The following SPOCK1 variants were observed in gnomAD, a reference collection of about 807,000 sequenced individuals.
The protein encoded by SPOCK1 is SPARC (osteonectin), cwcv and kazal like domains proteoglycan 1.
SPOCK1 carries 23 observed loss-of-function variants against 55.3 expected under a neutral mutation model. That is an observed-to-expected ratio of 0.42 (90% CI 0.30 to 0.59). The LOEUF is 0.59. SPOCK1 is among the 20% of genes least tolerant of loss of function. SPOCK1 has a pLI of 0.22. For missense variants in SPOCK1, 499 were observed against 552.5 expected, an observed-to-expected ratio of 0.90 and a Z score of 0.97; for synonymous variants, 226 against 221.0, an observed-to-expected ratio of 1.02 and a Z score of -0.20.
At chr5:137,104,593 C>A (rs1199921393) in intron 5 of SPOCK1, among the ~76,000 whole-genome samples, 1 of 152,162 alleles carries the variant, frequency 6.6e-6, no homozygotes, top group Non-Finnish European at 1.5e-5. Flanking sequence ...GGCAAGCGAG[C>A]ATTACTGCCT....
intron 5 of SPOCK1, among the ~76,000 whole-genome samples, chr5:137,074,276 TG>T (rs1480953885): frequency 1.3e-5 from 2 of 152,198 alleles, no homozygotes; most frequent in Non-Finnish European, 2.9e-5. Context: ...TACAAACATT[TG>T]GGGAAGAATT....
intron 2 of SPOCK1, among the ~76,000 whole-genome samples, chr5:137,478,816 A>C (rs1561546356): frequency 6.6e-6 from 1 of 152,006 alleles, no homozygotes; most frequent in African/African-American, 2.4e-5. Context: ...TCAACACCAA[A>C]TTCCTGACTA....
intron 6 of SPOCK1, among the ~76,000 whole-genome samples, chr5:137,060,615 G>A (rs922804398): frequency 2.8e-5 from 4 of 144,010 alleles, no homozygotes; most frequent in Non-Finnish European, 4.7e-5. Context: ...TAAAAAGAAT[G>A]TATGTTAATT....
chr5:137,417,760 G>A (rs895876024), intron 2 of SPOCK1, among the ~76,000 whole-genome samples: 7 of 151,828 alleles, frequency 4.6e-5, no homozygotes, highest in African/African-American at 1.5e-4. Flanking sequence ...AGTTTTTTTG[G>A]AAAGTTTTTC....
intron 6 of SPOCK1, among the ~76,000 whole-genome samples, chr5:137,031,897 A>G (rs1253084907): frequency 6.6e-6 from 1 of 151,774 alleles, no homozygotes; most frequent in East Asian, 1.9e-4. Flanking sequence ...ACTATCAAAG[A>G]GGAGTTTACA....
intron 4 of SPOCK1, among the ~76,000 whole-genome samples, chr5:137,138,547 C>A (rs1191472758): frequency 1.3e-5 from 2 of 149,318 alleles, no homozygotes; most frequent in Non-Finnish European, 3.0e-5. Context: ...CATGGCTAAA[C>A]AACCTAGAGC....
At chr5:137,335,923 CT>C (rs945269464) in intron 2 of SPOCK1, among the ~76,000 whole-genome samples, 4 of 152,192 alleles carry the variant, frequency 2.6e-5, no homozygotes, top group East Asian at 1.9e-4. Flanking sequence ...ACAAATGCTT[CT>C]TTTTTTCCCC....
rs563171615 is a variant in SPOCK1, at chr5:137,073,387, C to T, written c.475-5558G>A. ...ACAGAATAAAGTGAGTCATGCAGCT[C>T]TCTGGGGAAGGAGGGTCAAGGAAAA... is the stretch of plus-strand genomic sequence containing the variant. On this transcript the variant is annotated intron_variant, in intron 5 of 10. Transcript: ENST00000394945. 8.2e-5 allele frequency among the ~76,000 whole-genome samples: 12 copies of T among 146,016 alleles called. No individual in the cohort carries two copies. The East Asian group carries it at 1.0e-3, about 12-fold the overall frequency.
At position 137,131,829 on chromosome 5, in the gene SPOCK1, G is replaced by A. The variant is rs919059324; in HGVS notation, c.347+8751C>T. ...CTACTAAAAATACAAAAAATTAGCC[G>A]GGTGTAGGGGCGGGCGCCTGTAGTC... On this transcript the variant is annotated intron_variant, in intron 4 of 10. Coordinates refer to ENST00000394945, the MANE Select transcript of SPOCK1 (RefSeq NM_004598.4). 5.4e-5 allele frequency among the ~76,000 whole-genome samples: 8 copies of A among 148,014 alleles called. No individual in the cohort carries two copies. The East Asian group carries it at 8.0e-4, about 15-fold the overall frequency.
At position 137,284,539 on chromosome 5, in the gene SPOCK1, G is replaced by A. The variant is rs138591874; in HGVS notation, c.187-17484C>T. The stretch of plus-strand genomic sequence containing the variant: ...AAGAGACATCTGGAAGGAAGCGGAC[G>A]GAAGGACGAGGAAGGTGCTGGGCCT... On this transcript the variant is annotated intron_variant, in intron 2 of 10. Coordinates refer to ENST00000394945, the MANE Select transcript of SPOCK1 (RefSeq NM_004598.4). 1.2e-3 allele frequency among the ~76,000 whole-genome samples: 186 copies of A among 152,326 alleles called. 3 individuals are homozygous for A. The highest frequency in any genetic ancestry group is 4.0e-3 in the African/African-American group (167 of 41,564).
chr5:137,146,827 A>G (rs1341256001), intron 3 of SPOCK1, among the ~76,000 whole-genome samples: 1 of 152,216 alleles, frequency 6.6e-6, no homozygotes, highest in African/African-American at 2.4e-5. Flanking sequence ...CCGAGGCCAA[A>G]CAAAGGGCCT....
intron 3 of SPOCK1, among the ~76,000 whole-genome samples, chr5:137,233,698 G>A (rs77455953): frequency 0.12 from 15,026 of 126,656 alleles, 1,064 homozygotes; most frequent in East Asian, 0.24. Flanking sequence ...TTCATTGTTA[G>A]TATGAGGATA....
chr5:137,288,222 T>A (rs1757302314), intron 2 of SPOCK1, among the ~76,000 whole-genome samples: 1 of 152,202 alleles, frequency 6.6e-6, no homozygotes, highest in Non-Finnish European at 1.5e-5. Context: ...TCAATTTTGG[T>A]AAAGTTCCGT....
At chr5:137,309,876 C>T (rs1197881674) in intron 2 of SPOCK1, among the ~76,000 whole-genome samples, 1 of 152,074 alleles carries the variant, frequency 6.6e-6, no homozygotes, top group Non-Finnish European at 1.5e-5. Context: ...ATAGTTTCTA[C>T]TTTTCCAAGA....
At chr5:137,108,011 A>G (rs1753399091) in intron 5 of SPOCK1, among the ~76,000 whole-genome samples, 1 of 152,244 alleles carries the variant, frequency 6.6e-6, no homozygotes, top group African/African-American at 2.4e-5. Flanking sequence ...CACATGCGTC[A>G]TGGTCTCATC....
intron 3 of SPOCK1, among the ~76,000 whole-genome samples, chr5:137,246,514 C>A (rs1041092748): frequency 1.3e-5 from 2 of 152,216 alleles, no homozygotes; most frequent in Non-Finnish European, 2.9e-5. Context: ...AATTAAACAT[C>A]CTCATTTCAA....
At chr5:137,396,716 A>T (rs1183899954) in intron 2 of SPOCK1, among the ~76,000 whole-genome samples, 1 of 152,240 alleles carries the variant, frequency 6.6e-6, no homozygotes, top group Non-Finnish European at 1.5e-5. Context: ...CCTATGAGGT[A>T]AAACTCAGCC....
intron 5 of SPOCK1, among the ~76,000 whole-genome samples, chr5:137,093,812 T>C (rs553798843): frequency 1.1e-4 from 16 of 152,012 alleles, no homozygotes; most frequent in African/African-American, 3.6e-4. Context: ...TGGAGCAGAG[T>C]CATGATGAGA....
intron 2 of SPOCK1, among the ~76,000 whole-genome samples, chr5:137,299,393 A>G (rs1757545305): frequency 1.3e-5 from 2 of 152,094 alleles, no homozygotes; most frequent in Admixed American, 6.5e-5. Context: ...GATCCAAATT[A>G]CTGTCTTTTA....
Sources: gnomAD v4.1 joint callset for allele counts (sites outside exome capture counted in the v4.1 genomes callset) on GRCh38, gnomAD v4.1.1 for gene constraint, MANE v1.5 for transcripts, NCBI Gene and HGNC (gene_info 2026-07-23, HGNC 2026-07-21) for gene names.